Variants in CELF2 observed in about 807,000 individuals in gnomAD.
The protein encoded by CELF2 is CUGBP Elav-like family member 2.
A neutral mutation model predicts 62.6 loss-of-function variants in CELF2; 8 were observed. That is an observed-to-expected ratio of 0.13 (90% CI 0.07 to 0.23). CELF2 has a LOEUF of 0.23. Among genes scored for constraint, CELF2 ranks in the 10% least tolerant of loss-of-function variants. The pLI is 1.00. For missense variants in CELF2, 333 were observed against 671.0 expected (o/e 0.50, Z 5.56); for synonymous variants, 258 against 250.0 (o/e 1.03, Z -0.30).
At chr10:10,607,953 T>G in the CELF2 span, among the ~76,000 whole-genome samples, 4 of 151,856 alleles carry the variant, frequency 2.6e-5, no homozygotes, top group Non-Finnish European at 4.4e-5. Context: ...ATGGTAAAAC[T>G]CTGTCTCTTC....
At chr10:10,582,309 G>A in the CELF2 span, among the ~76,000 whole-genome samples, 2 of 152,112 alleles carry the variant, frequency 1.3e-5, no homozygotes, top group Non-Finnish European at 2.9e-5. Context: ...ATACATTGAT[G>A]AAATCCATTG....
At chr10:11,295,653 G>A (rs1023573398) in intron 9 of CELF2, among the ~76,000 whole-genome samples, 1 of 152,156 alleles carries the variant, frequency 6.6e-6, no homozygotes. Context: ...TGGCCCTGCT[G>A]CTCGGGCTGC....
At chr10:10,802,936 CA>C (rs1444981672) in intron 1 of CELF2, among the ~76,000 whole-genome samples, 5 of 152,152 alleles carry the variant, frequency 3.3e-5, no homozygotes, top group Admixed American at 3.3e-4. Flanking sequence ...CACTGGTTTC[CA>C]GCTCTAGTAG....
At chr10:11,102,290 G>A (rs918587661) in intron 1 of CELF2, 1 of 152,194 alleles carries the variant, frequency 6.6e-6, no homozygotes, top group Admixed American at 6.5e-5. Flanking sequence ...TTGCCCGACT[G>A]TGCTAATTCT....
At chr10:10,903,755 G>A (rs2063117881) in intron 1 of CELF2, among the ~76,000 whole-genome samples, 1 of 152,186 alleles carries the variant, frequency 6.6e-6, no homozygotes, top group South Asian at 2.1e-4. Flanking sequence ...GGGCGTCAGG[G>A]ATACTGGAGT....
intron 1 of CELF2, among the ~76,000 whole-genome samples, chr10:11,018,473 G>C (rs957169949): frequency 6.6e-6 from 1 of 151,082 alleles, no homozygotes; most frequent in Admixed American, 6.6e-5. Context: ...GGGTCCCCGC[G>C]GGGTGAGTGG....
chr10:11,204,083 T>C (rs931487162), intron 2 of CELF2, among the ~76,000 whole-genome samples: 1 of 152,166 alleles, frequency 6.6e-6, no homozygotes, highest in Admixed American at 6.5e-5. Flanking sequence ...GTTAACATTA[T>C]CCCCTCCGCT....
intron 2 of CELF2, among the ~76,000 whole-genome samples, chr10:10,927,534 C>T (rs1246360906): frequency 6.6e-6 from 1 of 151,902 alleles, no homozygotes; most frequent in African/African-American, 2.4e-5. Flanking sequence ...CTCAAGTGAT[C>T]CTCCTGCCTC....
At chr10:11,149,663 T>C (rs934491627) in intron 1 of CELF2, among the ~76,000 whole-genome samples, 1 of 152,228 alleles carries the variant, frequency 6.6e-6, no homozygotes, top group Non-Finnish European at 1.5e-5. Flanking sequence ...TGACTTTCTT[T>C]GGCTTCTCAT....
chr10:11,171,815 C>T (rs573326209), intron 2 of CELF2, among the ~76,000 whole-genome samples: 8 of 151,566 alleles, frequency 5.3e-5, no homozygotes, highest in Non-Finnish European at 1.0e-4. Flanking sequence ...TGGTCTAAAG[C>T]GGGTTGATCA....
the CELF2 span, among the ~76,000 whole-genome samples, chr10:10,791,023 A>G: frequency 6.6e-6 from 1 of 152,172 alleles, no homozygotes; most frequent in Non-Finnish European, 1.5e-5. Flanking sequence ...AGAGATTGTT[A>G]TGAGTATTTA....
At chr10:10,869,733 C>T (rs1239385292) in intron 1 of CELF2, among the ~76,000 whole-genome samples, 1 of 152,176 alleles carries the variant, frequency 6.6e-6, no homozygotes, top group Non-Finnish European at 1.5e-5. Context: ...ATGGTGTCTA[C>T]TTCCTCTGCA....
chr10:10,560,513 C>T, the CELF2 span, among the ~76,000 whole-genome samples: 2 of 152,058 alleles, frequency 1.3e-5, no homozygotes, highest in East Asian at 1.9e-4. Context: ...ATTCACTCAC[C>T]GGTTCCCTCC....
rs111596613 is a variant in CELF2 at position 10,920,534 on chromosome 10, G to A, written c.89+535G>A. 2.9e-3 allele frequency among the ~76,000 whole-genome samples: 446 copies of A among 152,234 alleles called. 2 individuals are homozygous for A. Among genetic ancestry groups the A allele is most frequent in the African/African-American group, 0.01 (430 of 41,546 alleles). On this transcript the variant is annotated intron_variant, in intron 2 of 13. Transcript: ENST00000636488. The stretch of plus-strand genomic sequence containing the variant: ...TTATATCATAGAAAGAAATTAATAT[G>A]TAATTGATCATTGTGCTTTATATGT...
chr10:10,538,130 G>A, the CELF2 span, among the ~76,000 whole-genome samples: 5 of 152,182 alleles, frequency 3.3e-5, no homozygotes, highest in African/African-American at 1.2e-4. Context: ...AGCATCCTGA[G>A]AGTTGTTGCT....
At chr10:11,173,379 G>A (rs1362368344) in intron 2 of CELF2, among the ~76,000 whole-genome samples, 1 of 152,152 alleles carries the variant, frequency 6.6e-6, no homozygotes, top group Non-Finnish European at 1.5e-5. Context: ...AGATAATCAG[G>A]CATTCGGGTT....
chr10:11,107,675 G>T (rs1246949053), intron 1 of CELF2, among the ~76,000 whole-genome samples: 1 of 151,756 alleles, frequency 6.6e-6, no homozygotes, highest in Non-Finnish European at 1.5e-5. Flanking sequence ...CCTTAATCCG[G>T]TCCATGTGTC....
the CELF2 span, among the ~76,000 whole-genome samples, chr10:10,491,448 A>G: frequency 6.6e-6 from 1 of 152,166 alleles, no homozygotes; most frequent in East Asian, 1.9e-4. Flanking sequence ...TCAGGAAGAT[A>G]ATCTTCATTC....
chr10:10,929,237 A>G (rs1475711377), intron 2 of CELF2, among the ~76,000 whole-genome samples: 1 of 152,196 alleles, frequency 6.6e-6, no homozygotes. Flanking sequence ...AAATGCTTGA[A>G]TCTTGTGTCT....
Sources: allele counts gnomAD v4.1 joint callset (sites outside exome capture counted in the v4.1 genomes callset), GRCh38; gene constraint gnomAD v4.1.1; transcripts MANE v1.5; gene names NCBI Gene and HGNC (gene_info 2026-07-23, HGNC 2026-07-21).